Variants in CSMD1 observed in about 807,000 individuals in gnomAD.
CSMD1 encodes CUB and Sushi multiple domains 1, also known as CUB and sushi domain-containing protein 1.
A neutral mutation model predicts 417.5 loss-of-function variants in CSMD1; 213 were observed. The ratio of observed to expected loss-of-function variants is 0.51; its 90% confidence interval spans 0.46 to 0.57. The LOEUF is 0.57. CSMD1 is among the 20% of genes least tolerant of loss of function. CSMD1 has a pLI of 0.00. For synonymous variants in CSMD1, 2,862 were observed against 1,736.8 expected (o/e 1.65, Z -16.11); for missense variants, 6,923 against 4,529.7 (o/e 1.53, Z -15.17).
intron 3 of CSMD1, among the ~76,000 whole-genome samples, chr8:4,345,944 T>G (rs1016429316): frequency 1.3e-5 from 2 of 152,118 alleles, no homozygotes; most frequent in Admixed American, 1.3e-4. Flanking sequence ...CCTCAGTGTT[T>G]TCAAACTACG....
chr8:3,795,800 C>A (rs117953135), intron 5 of CSMD1, among the ~76,000 whole-genome samples: 1 of 20,536 alleles, frequency 4.9e-5, no homozygotes, highest in Non-Finnish European at 1.1e-4. Flanking sequence ...TAGATATATA[C>A]CTATCATGTA....
intron 49 of CSMD1, among the ~76,000 whole-genome samples, chr8:3,057,726 G>A (rs1023240486): frequency 6.6e-6 from 1 of 152,082 alleles, no homozygotes; most frequent in East Asian, 1.9e-4. Context: ...CCTCAAAACG[G>A]TTCTGCTGAA....
chr8:3,519,282 T>C (rs965131075), intron 10 of CSMD1, among the ~76,000 whole-genome samples: 13 of 152,212 alleles, frequency 8.5e-5, no homozygotes, highest in African/African-American at 2.9e-4. Flanking sequence ...TGAAAATACC[T>C]GAGTCTTCAA....
In CSMD1 at chr8:4,066,542, T is replaced by C. The variant is rs954410180; in HGVS notation, c.416-34443A>G. Among the ~76,000 whole-genome samples, 6 of 152,176 alleles carry C rather than the reference T, an allele frequency of 3.9e-5. No homozygotes were observed. The East Asian group carries it at 5.8e-4, about 15-fold the overall frequency. On this transcript the variant is annotated intron_variant, in intron 3 of 69. Coordinates refer to ENST00000635120, the MANE Select transcript of CSMD1 (RefSeq NM_033225.6). ...TATTTCTAAATGTATCTACCTGAAA[T>C]TTTACCATTAAAGACTTGTTACATG...
At chr8:3,827,610 C>T (rs1364736712) in intron 5 of CSMD1, among the ~76,000 whole-genome samples, 1 of 152,186 alleles carries the variant, frequency 6.6e-6, no homozygotes, top group Non-Finnish European at 1.5e-5. Flanking sequence ...ATGAACTATT[C>T]ATATGGAACT....
intron 3 of CSMD1, among the ~76,000 whole-genome samples, chr8:4,337,033 C>A (rs1221549802): frequency 6.6e-5 from 10 of 152,062 alleles, no homozygotes; most frequent in Non-Finnish European, 1.3e-4. Flanking sequence ...CAATTATAAA[C>A]TGAATTTTGC....
rs770393742 is a variant in CSMD1 at position 3,408,155 on chromosome 8, C to T, written c.1815G>A (p.Gly605=). ...TCAACCAGACACAGTTCATGTTGTT[C>T]CCATATTCCTCTGGATAATTTGGTG... ...ILSPNYPEEY[G]NNMNCVWLII... The change falls in exon 14 of 70, where the codon GGG becomes GGA. Residue 605 remains glycine, a synonymous_variant. Transcript: ENST00000635120. 7 of 1,613,010 alleles carry T rather than the reference C, an allele frequency of 4.3e-6. No individual in the cohort carries two copies. Among genetic ancestry groups the T allele is most frequent in the Admixed American group, 1.7e-5 (1 of 59,892 alleles).
At chr8:4,889,279 A>T (rs1414410649) in intron 1 of CSMD1, among the ~76,000 whole-genome samples, 1 of 152,140 alleles carries the variant, frequency 6.6e-6, no homozygotes, top group Non-Finnish European at 1.5e-5. Flanking sequence ...CCATAGCCTA[A>T]ATTGAATCAT....
chr8:3,244,670 C>G (rs1026367882), intron 26 of CSMD1, among the ~76,000 whole-genome samples: 2 of 152,162 alleles, frequency 1.3e-5, no homozygotes, highest in Non-Finnish European at 1.5e-5. Context: ...TTGAATGTGG[C>G]TGACAATCTG....
At position 4,190,556 on chromosome 8, in the gene CSMD1, A is replaced by T. The variant is rs137915029; in HGVS notation, c.416-158457T>A. On this transcript the variant is annotated intron_variant, in intron 3 of 69. Transcript: ENST00000635120. ...TACACATATAAGCTTTTTTTTTTTT[A>T]ACTGAAAGAGACTCTGATGATCTAT... Among the ~76,000 whole-genome samples, 10 of 120,378 alleles carry T rather than the reference A, an allele frequency of 8.3e-5. No individual in the cohort carries two copies. The East Asian group carries it at 2.4e-3, about 29-fold the overall frequency. The allele number at this position is 120,378 out of a possible 152,430, so 79.0% of individuals were successfully genotyped here.
intron 1 of CSMD1, among the ~76,000 whole-genome samples, chr8:4,889,624 G>C (rs541565752): frequency 6.6e-6 from 1 of 152,074 alleles, no homozygotes; most frequent in African/African-American, 2.4e-5. Context: ...CTGGCTTAAG[G>C]TTACTGGTAG....
intron 3 of CSMD1, among the ~76,000 whole-genome samples, chr8:4,074,380 T>C (rs1469067639): frequency 6.6e-6 from 1 of 152,154 alleles, no homozygotes; most frequent in Non-Finnish European, 1.5e-5. Context: ...GATAGCAGTA[T>C]TTTCAATGTC....
intron 3 of CSMD1, among the ~76,000 whole-genome samples, chr8:4,134,103 T>A (rs965305913): frequency 1.3e-5 from 2 of 152,196 alleles, no homozygotes. Flanking sequence ...AACATCAATA[T>A]TGCTGGTATA....
intron 6 of CSMD1, among the ~76,000 whole-genome samples, chr8:3,724,793 C>A (rs1282910011): frequency 6.6e-6 from 1 of 152,162 alleles, no homozygotes; most frequent in Non-Finnish European, 1.5e-5. Context: ...ACCAGCAGTA[C>A]TTTGCCATCA....
intron 3 of CSMD1, among the ~76,000 whole-genome samples, chr8:4,285,043 G>T (rs774146458): frequency 6.6e-6 from 1 of 152,100 alleles, no homozygotes; most frequent in African/African-American, 2.4e-5. Context: ...TAAAACTGTT[G>T]TAAGCATAAC....
At chr8:4,041,285 G>A (rs1230171310) in intron 3 of CSMD1, among the ~76,000 whole-genome samples, 1 of 138,288 alleles carries the variant, frequency 7.2e-6, no homozygotes, top group Non-Finnish European at 1.6e-5. Flanking sequence ...CCAAAGTACG[G>A]GGATTACATG....
chr8:4,357,556 A>G (rs1343622243), intron 3 of CSMD1, among the ~76,000 whole-genome samples: 1 of 152,208 alleles, frequency 6.6e-6, no homozygotes, highest in Admixed American at 6.6e-5. Flanking sequence ...GTTGGAAAAA[A>G]AAAATCTGTC....
At chr8:4,146,481 T>C (rs1402478079) in intron 3 of CSMD1, among the ~76,000 whole-genome samples, 1 of 150,548 alleles carries the variant, frequency 6.6e-6, no homozygotes, top group East Asian at 1.9e-4. Flanking sequence ...AAAAGGCTGT[T>C]TACCCAGTTC....
intron 6 of CSMD1, among the ~76,000 whole-genome samples, chr8:3,713,592 C>T (rs762019085): frequency 6.0e-4 from 91 of 152,310 alleles, no homozygotes; most frequent in Middle Eastern, 6.8e-3. Flanking sequence ...GTCGTATCTT[C>T]TGCTCTTAAT....
Sources: allele counts gnomAD v4.1 joint callset (sites outside exome capture counted in the v4.1 genomes callset), GRCh38; gene constraint gnomAD v4.1.1; transcripts MANE v1.5; gene names NCBI Gene and HGNC (gene_info 2026-07-23, HGNC 2026-07-21).